The following JMJD1C variants were observed in gnomAD, a reference collection of about 807,000 sequenced individuals.
JMJD1C encodes the protein jumonji domain containing 1C, also known as jumonji domain-containing protein 1C.
Under a neutral mutation model 245.3 loss-of-function variants are expected in JMJD1C, and 31 were observed. The observed-to-expected ratio is 0.13, with a 90% CI of 0.09 to 0.17. The LOEUF (loss-of-function observed/expected upper bound fraction) is 0.17, where lower values mean the gene tolerates loss of function less well. Among genes scored for constraint, JMJD1C ranks in the 10% least tolerant of loss-of-function variants. The pLI is 1.00. For missense variants in JMJD1C, 2,691 were observed against 3,000.2 expected (o/e 0.90, Z 2.41); for synonymous variants, 1,057 against 1,017.4 (o/e 1.04, Z -0.74).
chr10:63,516,150 A>G (rs896188584), intron 1 of JMJD1C, among the ~76,000 whole-genome samples: 1 of 149,814 alleles, frequency 6.7e-6, no homozygotes. Flanking sequence ...GAATAATTCC[A>G]TCGTGTTCCA....
intron 1 of JMJD1C, among the ~76,000 whole-genome samples, chr10:63,387,705 A>G (rs897459601): frequency 1.6e-5 from 2 of 122,198 alleles, no homozygotes; most frequent in African/African-American, 6.3e-5. Context: ...GCGTGATCTC[A>G]GCTCACTGCC....
intron 13 of JMJD1C, among the ~76,000 whole-genome samples, chr10:63,197,202 G>C (rs1257100752): frequency 6.6e-6 from 1 of 152,076 alleles, no homozygotes; most frequent in Non-Finnish European, 1.5e-5. Flanking sequence ...ATATACTCAT[G>C]AGGCTGATGG....
intron 8 of JMJD1C, among the ~76,000 whole-genome samples, chr10:63,211,123 T>C (rs1270483212): frequency 6.6e-6 from 1 of 152,172 alleles, no homozygotes; most frequent in Non-Finnish European, 1.5e-5. Flanking sequence ...TGGTAGACCT[T>C]ATGCAAGATG....
intron 2 of JMJD1C, among the ~76,000 whole-genome samples, chr10:63,276,233 G>A (rs547597061): frequency 7.0e-4 from 107 of 152,136 alleles, no homozygotes; most frequent in African/African-American, 2.3e-3. Context: ...TTGGGAGGCC[G>A]AGGCGGGCAG....
intron 1 of JMJD1C, among the ~76,000 whole-genome samples, chr10:63,439,855 TAAC>T (rs1951268027): frequency 6.6e-6 from 1 of 152,196 alleles, no homozygotes; most frequent in African/African-American, 2.4e-5. Context: ...TAATTTGACA[TAAC>T]AAAGTTAACT....
rs199583810 is a variant in JMJD1C, at chr10:63,402,091, G to A, written c.169-21609C>T. 4.9e-4 allele frequency among the ~76,000 whole-genome samples: 73 copies of A among 149,142 alleles called. 1 individual carries two copies. The highest frequency in any genetic ancestry group is 2.7e-3 in the South Asian group (13 of 4,734). On this transcript the variant is annotated intron_variant, in intron 1 of 25. Transcript: ENST00000399262. Reference sequence around the variant, plus strand: ...AGAGTTTGCAATGAGCCCAGATAGCGCCATTGCACTCCAGCCTGGGCAACA... The same window carrying A: ...AGAGTTTGCAATGAGCCCAGATAGCACCATTGCACTCCAGCCTGGGCAACA...
At position 63,293,420 on chromosome 10, in the gene JMJD1C, C is replaced by G. The variant is rs117029101; in HGVS notation, c.334-28656G>C. Among the ~76,000 whole-genome samples, 1,285 of 152,312 alleles carry G rather than the reference C, an allele frequency of 8.4e-3. 45 individuals carry two copies. The highest frequency in any genetic ancestry group is 0.038 in the East Asian group (196 of 5,190). On this transcript the variant is annotated intron_variant, in intron 2 of 25. Coordinates refer to ENST00000399262, the MANE Select transcript of JMJD1C (RefSeq NM_032776.3). ...GCCATATTCTGATGATCAGACCTCT[C>G]CTACTTCTTTTACTTACCACTTACA...
chr10:63,271,475 G>C (rs1440291247), intron 2 of JMJD1C, among the ~76,000 whole-genome samples: 1 of 152,112 alleles, frequency 6.6e-6, no homozygotes, highest in Non-Finnish European at 1.5e-5. Context: ...ACCATGCCCG[G>C]ATGTAAATAG....
intron 2 of JMJD1C, among the ~76,000 whole-genome samples, chr10:63,284,634 A>G (rs950951360): frequency 6.6e-6 from 1 of 152,192 alleles, no homozygotes; most frequent in African/African-American, 2.4e-5. Flanking sequence ...TGGTGACAAA[A>G]ACATCATTAA....
intron 3 of JMJD1C, among the ~76,000 whole-genome samples, chr10:63,230,035 C>A (rs1191833342): frequency 6.6e-6 from 1 of 152,126 alleles, no homozygotes; most frequent in Non-Finnish European, 1.5e-5. Context: ...TCTAGCATGT[C>A]CACGGGCAAA....
chr10:63,465,016 C>T (rs1391633789), intron 1 of JMJD1C, among the ~76,000 whole-genome samples: 2 of 152,232 alleles, frequency 1.3e-5, no homozygotes, highest in African/African-American at 4.8e-5. Context: ...TTTCTTTTCT[C>T]CCTCCCCTTC....
intron 1 of JMJD1C, among the ~76,000 whole-genome samples, chr10:63,423,447 T>A (rs756394223): frequency 7.9e-5 from 12 of 152,238 alleles, no homozygotes; most frequent in Non-Finnish European, 1.6e-4. Flanking sequence ...TAGTATAGTG[T>A]TTTTAAGGAT....
intron 1 of JMJD1C, among the ~76,000 whole-genome samples, chr10:63,385,410 C>T (rs1947511483): frequency 6.8e-6 from 1 of 146,790 alleles, no homozygotes; most frequent in Non-Finnish European, 1.5e-5. Flanking sequence ...CCTTCCCTGC[C>T]CCCGCCTTTT....
intron 3 of JMJD1C, among the ~76,000 whole-genome samples, chr10:63,259,956 C>T (rs1194782969): frequency 6.6e-6 from 1 of 152,232 alleles, no homozygotes; most frequent in African/African-American, 2.4e-5. Flanking sequence ...GGCTGGAGTG[C>T]AATGGTGTGA....
intron 1 of JMJD1C, among the ~76,000 whole-genome samples, chr10:63,450,160 A>C (rs747625527): frequency 2.2e-4 from 34 of 152,208 alleles, no homozygotes; most frequent in Middle Eastern, 3.4e-3. Flanking sequence ...AAATTAGACC[A>C]GGGTATTAGT....
At chr10:63,515,889 G>C (rs1235711410) in intron 1 of JMJD1C, among the ~76,000 whole-genome samples, 2 of 152,108 alleles carry the variant, frequency 1.3e-5, no homozygotes, top group East Asian at 3.8e-4. Context: ...TTTTTTCCTA[G>C]TTTGTCATCT....
chr10:63,208,983 T>A, intron 9 of JMJD1C, 80 bp downstream of exon 9: 1 of 1,279,650 alleles, frequency 7.8e-7, no homozygotes, highest in Non-Finnish European at 1.1e-6. Context: ...ATGTGTTAAC[T>A]TAAAATTAAC....
At chr10:63,379,557 TA>T (rs1353187659) in intron 2 of JMJD1C, among the ~76,000 whole-genome samples, 1 of 152,222 alleles carries the variant, frequency 6.6e-6, no homozygotes, top group Non-Finnish European at 1.5e-5. Context: ...AATTACACAT[TA>T]AACATCTATC....
intron 2 of JMJD1C, among the ~76,000 whole-genome samples, chr10:63,305,629 C>CGTGTGTGTGTGTGT (rs36038855): frequency 0.022 from 2,649 of 121,710 alleles, 107 homozygotes; most frequent in Non-Finnish European, 0.028. Context: ...ACCATGCTGG[C>CGTGTGTGTGTGTGT]GTGTGTGTGT....
Sources: gnomAD v4.1 joint callset for allele counts (sites outside exome capture counted in the v4.1 genomes callset) on GRCh38, gnomAD v4.1.1 for gene constraint, MANE v1.5 for transcripts, NCBI Gene and HGNC (gene_info 2026-07-23, HGNC 2026-07-21) for gene names.